The following RASA1 variants were observed in gnomAD, a reference collection of about 807,000 sequenced individuals.
The protein encoded by RASA1 is ras GTPase-activating protein 1.
In RASA1, 25 loss-of-function variants were observed where a neutral mutation model predicts 132.2. The observed-to-expected ratio is 0.19, with a 90% CI of 0.14 to 0.26. The LOEUF is 0.26. Ranked by LOEUF, RASA1 falls within the 10% of genes least tolerant of loss-of-function variation. The pLI is 1.00. For synonymous variants in RASA1, 477 were observed against 449.9 expected (o/e 1.06, Z -0.76); for missense variants, 964 against 1,299.2 (o/e 0.74, Z 3.97).
At chr5:87,277,269 C>T (rs1340937165) in intron 1 of RASA1, among the ~76,000 whole-genome samples, 1 of 152,162 alleles carries the variant, frequency 6.6e-6, no homozygotes, top group Non-Finnish European at 1.5e-5. Flanking sequence ...TAACGTACTT[C>T]AGGGCTGGCA....
chr5:87,344,074 G>C (rs1161433096), intron 6 of RASA1, among the ~76,000 whole-genome samples: 1 of 152,146 alleles, frequency 6.6e-6, no homozygotes, highest in Non-Finnish European at 1.5e-5. Flanking sequence ...GGGAAGGGTA[G>C]CAGGGAAGGG....
At chr5:87,274,301 T>TA (rs1198368516) in intron 1 of RASA1, among the ~76,000 whole-genome samples, 5 of 152,156 alleles carry the variant, frequency 3.3e-5, no homozygotes, top group Non-Finnish European at 5.9e-5. Context: ...CTTTCTTTTT[T>TA]AAAAAAATCA....
At chr5:87,387,028 A>AT in intron 23 of RASA1, 125 bp downstream of exon 23, 1 of 865,368 alleles carries the variant, frequency 1.2e-6, no homozygotes, top group South Asian at 1.6e-5. Flanking sequence ...AAGCCTGCAA[A>AT]TTTTTGTCTG....
intron 1 of RASA1, chr5:87,330,913 A>T: frequency 7.3e-7 from 1 of 1,365,570 alleles, no homozygotes; most frequent in Non-Finnish European, 9.5e-7. Flanking sequence ...ACTAAAATGG[A>T]ATAAAACATT....
At chr5:87,289,223 C>T (rs888530348) in intron 1 of RASA1, among the ~76,000 whole-genome samples, 7 of 152,220 alleles carry the variant, frequency 4.6e-5, no homozygotes, top group African/African-American at 1.7e-4. Context: ...CCATTACTGG[C>T]AGAGATATGC....
At position 87,385,292 on chromosome 5, in the gene RASA1, C is replaced by G; in HGVS notation, c.2759-9C>G. On this transcript the variant is annotated splice_polypyrimidine_tract_variant and intron_variant, in intron 21 of 24. Coordinates refer to ENST00000274376, the MANE Select transcript of RASA1 (RefSeq NM_002890.3). ...TTGGTGTCATTAGCTGTGCCCAATT[C>G]TGTTACAGATTCTCCATCTCCTATT... The G allele has an allele frequency of 1.9e-6, 3 of 1,584,278 alleles. No individual in the cohort carries two copies. Among genetic ancestry groups the G allele is most frequent in the Non-Finnish European group, 2.6e-6 (3 of 1,153,394 alleles).
intron 8 of RASA1, 78 bp from the exon 9 acceptor site, chr5:87,353,079 C>G (rs956437950): frequency 1.7e-6 from 2 of 1,165,902 alleles, no homozygotes; most frequent in African/African-American, 3.1e-5. Context: ...TAATCCTTGG[C>G]AAGAAAGTTT....
In RASA1 at chr5:87,390,995, A is replaced by C. The variant is rs992673212; in HGVS notation, c.*112A>C. ...AAAATAGCACACTTTTCCACATTCC[A>C]GTGATGTGTGAGCTATGCAAACAAA... On this transcript the variant is annotated 3_prime_UTR_variant, in exon 25 of 25. Coordinates refer to ENST00000274376, the MANE Select transcript of RASA1 (RefSeq NM_002890.3). 3 of 1,074,342 alleles carry C rather than the reference A, an allele frequency of 2.8e-6. No homozygotes were observed. Among genetic ancestry groups the C allele is most frequent in the Non-Finnish European group, 4.3e-6 (3 of 703,124 alleles). The allele number at this position is 1,074,342 out of a possible 1,614,324, so 66.6% of individuals were successfully genotyped here.
intron 1 of RASA1, among the ~76,000 whole-genome samples, chr5:87,324,290 C>G (rs1174987669): frequency 6.6e-6 from 1 of 152,166 alleles, no homozygotes; most frequent in Non-Finnish European, 1.5e-5. Flanking sequence ...CCTTCCCTCC[C>G]TTTTCCTCCT....
chr5:87,369,889 G>A lies in RASA1; in HGVS notation c.1687G>A (p.Glu563Lys). Residue 563 changes from glutamate (E) to lysine (K), a missense_variant, in exon 12 of 25, where the codon GAA becomes AAA. Coordinates refer to ENST00000274376, the MANE Select transcript of RASA1 (RefSeq NM_002890.3). Reference sequence around the variant, plus strand: ...CTTTTACTTTGCAGGAGAAACTCCAGAACAAGCAGAGGTAAGATTACTGTT... The same window carrying A: ...CTTTTACTTTGCAGGAGAAACTCCAAAACAAGCAGAGGTAAGATTACTGTT... The part of the protein sequence containing the change: ...YIFYFAGETP[E>K]QAEDWMKGLQ... 1 of 1,606,884 alleles carries A rather than the reference G, an allele frequency of 6.2e-7. No homozygotes were observed. Among genetic ancestry groups the A allele is most frequent in the Non-Finnish European group, 8.5e-7 (1 of 1,174,054 alleles).
At chr5:87,359,092 G>A (rs1032258366) in intron 9 of RASA1, among the ~76,000 whole-genome samples, 5 of 151,962 alleles carry the variant, frequency 3.3e-5, no homozygotes, top group Admixed American at 3.3e-4. Flanking sequence ...ATGAGGATAG[G>A]GGTCTTTGAT....
intron 18 of RASA1, 73 bp downstream of exon 18, chr5:87,378,611 A>G (rs1206214541): frequency 7.1e-7 from 1 of 1,413,324 alleles, no homozygotes; most frequent in African/African-American, 1.4e-5. Context: ...GTAGCCAATT[A>G]CATTTTAAGG....
Position 87,389,619 on chromosome 5 carries a change from CTT to C in RASA1, c.3060+93_3060+94del, listed in dbSNP as rs1224043935. On this transcript the variant is annotated intron_variant, in intron 24 of 24. Transcript: ENST00000274376. ...GCTGAATTCTGGTTAACATTTTTATCTTGTTACATTAAATTTTTGAGACTCTG... is the reference window on the plus strand; with the variant it reads ...GCTGAATTCTGGTTAACATTTTTATCGTTACATTAAATTTTTGAGACTCTG... 15 of 1,512,480 alleles carry C rather than the reference CTT, an allele frequency of 9.9e-6. No individual in the cohort carries two copies. In the East Asian group the frequency reaches 2.3e-4, roughly 23 times the overall value. The allele number at this position is 1,512,480 out of a possible 1,614,324, so 93.7% of individuals were successfully genotyped here.
At chr5:87,337,326 GA>G (rs1227329462) in intron 4 of RASA1, among the ~76,000 whole-genome samples, 6 of 151,664 alleles carry the variant, frequency 4.0e-5, no homozygotes, top group South Asian at 4.2e-4. Context: ...ATTGGTAACA[GA>G]AAAAAAACAT....
At chr5:87,293,163 G>A (rs916824589) in intron 1 of RASA1, among the ~76,000 whole-genome samples, 10 of 151,782 alleles carry the variant, frequency 6.6e-5, no homozygotes, top group South Asian at 2.1e-4. Flanking sequence ...GGTAAGAGGA[G>A]GTGTCCTTGC....
intron 9 of RASA1, among the ~76,000 whole-genome samples, chr5:87,353,554 C>A (rs1759435301): frequency 6.6e-6 from 1 of 151,758 alleles, no homozygotes; most frequent in African/African-American, 2.4e-5. Context: ...ATTATTAAAG[C>A]CTGGGGAGTA....
chr5:87,381,480 T>C (rs1217282017), intron 20 of RASA1, among the ~76,000 whole-genome samples: 1 of 152,266 alleles, frequency 6.6e-6, no homozygotes, highest in East Asian at 1.9e-4. Context: ...TCATGCTATA[T>C]GTAAAATAAT....
chr5:87,321,864 C>T (rs537281604), intron 1 of RASA1, among the ~76,000 whole-genome samples: 1 of 152,198 alleles, frequency 6.6e-6, no homozygotes, highest in African/African-American at 2.4e-5. Flanking sequence ...GGCATTATGA[C>T]CCACAGTCAG....
chr5:87,270,200 C>T lies in RASA1; in HGVS notation c.539+1210C>T, dbSNP rs1469856444. On this transcript the variant is annotated intron_variant, in intron 1 of 24. Coordinates refer to ENST00000274376, the MANE Select transcript of RASA1 (RefSeq NM_002890.3). ...GAGGTTGCAGTGAGCCGAGATCGTG[C>T]CGCTGCACTCCAGCCTGGGTGACAG... 8.1e-5 allele frequency among the ~76,000 whole-genome samples: 12 copies of T among 148,472 alleles called. No individual in the cohort carries two copies. In the East Asian group the frequency reaches 2.5e-3, roughly 31 times the overall value.
Sources: gnomAD v4.1 joint callset for allele counts (sites outside exome capture counted in the v4.1 genomes callset) on GRCh38, gnomAD v4.1.1 for gene constraint, MANE v1.5 for transcripts, NCBI Gene and HGNC (gene_info 2026-07-23, HGNC 2026-07-21) for gene names.